The following APEH variants were observed in gnomAD, a reference collection of about 807,000 sequenced individuals.
APEH encodes acylaminoacyl-peptide hydrolase.
APEH carries 75 observed loss-of-function variants against 102.7 expected under a neutral mutation model. The ratio of observed to expected loss-of-function variants is 0.73; its 90% confidence interval spans 0.61 to 0.89. The LOEUF (loss-of-function observed/expected upper bound fraction) is 0.89. Ranked by LOEUF, APEH falls within the 40% of genes least tolerant of loss-of-function variation. The pLI is 0.00. For missense variants in APEH, 863 were observed against 941.2 expected, an observed-to-expected ratio of 0.92 and a Z score of 1.09; for synonymous variants, 344 against 362.7, an observed-to-expected ratio of 0.95 and a Z score of 0.59.
rs2053440781 is a variant in APEH at position 49,683,267 on chromosome 3, A to G, written c.2124A>G (p.Ala708=). The part of the protein sequence containing the change: ...RLLLYPKSTH[A]LSEVEVESDS... Reference sequence around the variant, plus strand: ...TGCTCTATCCCAAAAGCACCCACGCATTATCAGAGGTGGAGGTGGAGTCAG... The same window carrying G: ...TGCTCTATCCCAAAAGCACCCACGCGTTATCAGAGGTGGAGGTGGAGTCAG... Residue 708 remains alanine, a synonymous_variant, in exon 22 of 22, where the codon GCA becomes GCG. Transcript: ENST00000296456. 1.2e-6 allele frequency: 2 copies of G among 1,613,894 alleles called. No homozygotes were observed. The highest frequency in any genetic ancestry group is 1.7e-6 in the Non-Finnish European group (2 of 1,179,976).
chr3:49,673,199 C>T (rs2052855665), upstream of APEH, among the ~76,000 whole-genome samples: 1 of 145,226 alleles, frequency 6.9e-6, no homozygotes, highest in South Asian at 2.2e-4. Context: ...CTCTCAATCA[C>T]AAGCACGCCA....
In APEH at chr3:49,682,631, C is replaced by G; in HGVS notation, c.1778C>G (p.Ser593Cys). Residue 593 changes from serine to cysteine, a missense_variant, in exon 19 of 22, where the codon TCC becomes TGC. Coordinates refer to ENST00000296456, the MANE Select transcript of APEH (RefSeq NM_001640.4). ...LMGGSHGGFISCHLIGQYPET... is the reference protein window; with the variant it reads ...LMGGSHGGFICCHLIGQYPET... ...GGTGGTTCCCATGGTGGCTTCATTT[C>G]CTGCCACTTGATTGGTCAGTACCCA... 2 of 1,614,126 alleles carry G rather than the reference C, an allele frequency of 1.2e-6. No individual in the cohort carries two copies. The highest frequency in any genetic ancestry group is 1.7e-6 in the Non-Finnish European group (2 of 1,180,034).
Position 49,676,133 on chromosome 3 carries a change from G to A in APEH, c.520G>A (p.Glu174Lys). The change falls in exon 6 of 22, where the codon GAG (glutamate) becomes AAG (lysine). Residue 174 changes from glutamate (E) to lysine (K), a missense_variant. Coordinates refer to ENST00000296456, the MANE Select transcript of APEH (RefSeq NM_001640.4). The stretch of plus-strand genomic sequence containing the variant: ...GGCAGAGAAGAAGCGCCCCAAGGCC[G>A]AGTCCTTCTTTCAGACCAAAGCCTT... ...YVAEKKRPKA[E>K]SFFQTKALDV... is the part of the protein sequence containing the mutation. 2 of 1,614,214 alleles carry A rather than the reference G, an allele frequency of 1.2e-6. No homozygotes were observed. The highest frequency in any genetic ancestry group is 1.3e-5 in the African/African-American group (1 of 75,066).
At position 49,675,883 on chromosome 3, in the gene APEH, G is replaced by A. The variant is rs1299175384; in HGVS notation, c.367-8G>A. 2 of 1,614,136 alleles carry A rather than the reference G, an allele frequency of 1.2e-6. No individual in the cohort carries two copies. The highest frequency in any genetic ancestry group is 1.7e-5 in the Admixed American group (1 of 60,022). On this transcript the variant is annotated splice_region_variant and splice_polypyrimidine_tract_variant and intron_variant, in intron 4 of 21. Transcript: ENST00000296456. ...CGGGCAAACAGCCTAATGCCCAGAT[G>A]TCCTCAGGTCTGGGAGAAGAACCGG...
chr3:49,678,876 G>C lies in APEH; in HGVS notation c.1085G>C (p.Ser362Thr). 2 of 1,613,900 alleles carry C rather than the reference G, an allele frequency of 1.2e-6. No homozygotes were observed. Among genetic ancestry groups the C allele is most frequent in the Non-Finnish European group, 1.7e-6 (2 of 1,179,910 alleles). The change falls in exon 12 of 22, where the codon AGC becomes ACC. Residue 362 changes from serine to threonine, a missense_variant. Transcript: ENST00000296456. The stretch of plus-strand genomic sequence containing the variant: ...GAGAACTTCTCTGGGATCTACTGCA[G>C]CCTTCTGCCTTTGGGATGCTGGTCA... Reference protein sequence around the residue: ...LGENFSGIYCSLLPLGCWSAD... With the variant: ...LGENFSGIYCTLLPLGCWSAD...
rs548966759 is a variant in APEH, at chr3:49,683,467, A to C, written c.*125A>C. 1.7e-4 allele frequency: 131 copies of C among 771,964 alleles called. No individual in the cohort carries two copies. The highest frequency in any genetic ancestry group is 6.4e-4 in the Middle Eastern group (2 of 3,114). The allele number at this position is 771,964 out of a possible 1,614,324, so 47.8% of individuals were successfully genotyped here. A position where few individuals can be genotyped will look rare whatever the true frequency, so the allele number is the denominator to read the frequency against. ...ACTCCACGGATGCGTGGGCAGAGGA[A>C]TGTGGGCTATGTAGTCATAATAAAT... On this transcript the variant is annotated 3_prime_UTR_variant, in exon 22 of 22. Transcript: ENST00000296456.
At position 49,682,837 on chromosome 3, in the gene APEH, T is replaced by C; in HGVS notation, c.1884-6T>C. The C allele has an allele frequency of 6.2e-7, 1 of 1,614,040 alleles. No homozygotes were observed. The highest frequency in any genetic ancestry group is 8.5e-7 in the Non-Finnish European group (1 of 1,180,018). On this transcript the variant is annotated splice_polypyrimidine_tract_variant and splice_region_variant and intron_variant, in intron 19 of 21. Transcript: ENST00000296456. ...CCTGGGGCTGCAACAGCTCGGTGTC[T>C]TGCAGGTGCGTGGTGGAGGCTGGCT...
intron 17 of APEH, 145 bp from the exon 18 acceptor site, chr3:49,682,203 C>T (rs556268146): frequency 4.2e-6 from 4 of 956,284 alleles, no homozygotes; most frequent in Non-Finnish European, 6.3e-6. Context: ...GTGGCAGCCT[C>T]AAATCTCTGA....
Position 49,677,169 on chromosome 3 carries a change from G to T in APEH, c.999+145G>T, listed in dbSNP as rs2053098614. On this transcript the variant is annotated intron_variant, in intron 10 of 21. Coordinates refer to ENST00000296456, the MANE Select transcript of APEH (RefSeq NM_001640.4). ...TGCAGCAGCGGTGTGAGTTCTGCCT[G>T]TCCTCTCAAGGAGGGCCTAGAGGTT... 16 of 1,233,458 alleles carry T rather than the reference G, an allele frequency of 1.3e-5. No homozygotes were observed. The South Asian group carries it at 2.1e-4, about 16-fold the overall frequency. 76.4% of individuals were successfully genotyped at this position (1,233,458 alleles called of 1,614,324 possible).
In APEH at chr3:49,676,823, T is replaced by C. The variant is rs767086802; in HGVS notation, c.877+6T>C. On this transcript the variant is annotated splice_donor_region_variant and intron_variant, in intron 9 of 21. Coordinates refer to ENST00000296456, the MANE Select transcript of APEH (RefSeq NM_001640.4). ...CCTCATCGGGGGGAAGTGTGGTAAG[T>C]GGCTGATGCCCACCTGTGCTTTGCT... The C allele has an allele frequency of 1.9e-6, 3 of 1,614,138 alleles. No homozygotes were observed. In the East Asian group the frequency reaches 6.7e-5, roughly 36 times the overall value.
chr3:49,674,344 A>G (rs1224753985), upstream of APEH: 7 of 1,530,262 alleles, frequency 4.6e-6, no homozygotes, highest in South Asian at 7.2e-5. Flanking sequence ...CCGCCCCCGG[A>G]AGCCTCACTT....
intron 15 of APEH, 144 bp downstream of exon 15, chr3:49,681,383 G>C: frequency 9.6e-7 from 1 of 1,039,348 alleles, no homozygotes; most frequent in Non-Finnish European, 1.3e-6. Flanking sequence ...TTGTGGATGG[G>C]CATGGGAAGT....
At position 49,676,467 on chromosome 3, in the gene APEH, C is replaced by T; in HGVS notation, c.696C>T (p.Gly232=). The change falls in exon 7 of 22, where the codon GGC becomes GGT. Residue 232 remains glycine (G), a synonymous_variant. Transcript: ENST00000296456. The part of the protein sequence containing the change: ...PVLCVLDVES[G]NISVLEGVPE... ...TCTGCGTGCTGGATGTCGAGAGTGG[C>T]AACATCTCTGTGCTTGAGGGGGTCC... The T allele has an allele frequency of 6.2e-7, 1 of 1,614,254 alleles. No homozygotes were observed. Among genetic ancestry groups the T allele is most frequent in the South Asian group, 1.1e-5 (1 of 91,088 alleles).
intron 1 of APEH, 30 bp downstream of exon 1, chr3:49,674,443 C>A: frequency 6.4e-7 from 1 of 1,572,276 alleles, no homozygotes; most frequent in South Asian, 1.1e-5. Flanking sequence ...TCCCCGTGGT[C>A]CCTGCAGCCC....
chr3:49,681,317 C>T, intron 15 of APEH, 78 bp downstream of exon 15: 1 of 1,407,688 alleles, frequency 7.1e-7, no homozygotes, highest in Non-Finnish European at 9.3e-7. Context: ...TTTGCTACCT[C>T]CTCTCTCACA....
Position 49,680,416 on chromosome 3 carries a change from A to G in APEH, c.1211-125A>G, listed in dbSNP as rs561338922. On this transcript the variant is annotated intron_variant, in intron 13 of 21. Transcript: ENST00000296456. The stretch of plus-strand genomic sequence containing the variant: ...CCATGTGCAGTTGGGTGTTTGTGAA[A>G]GGCACTTCTCGGGGAGAAAAGGGCA... The G allele has an allele frequency of 5.0e-6, 4 of 804,930 alleles. No individual in the cohort carries two copies. The East Asian group carries it at 7.9e-5, about 16-fold the overall frequency. 49.9% of individuals were successfully genotyped at this position (804,930 alleles called of 1,614,324 possible).
intron 13 of APEH, chr3:49,680,293 G>A: frequency 2.1e-6 from 1 of 481,842 alleles, no homozygotes; most frequent in Non-Finnish European, 3.8e-6. Flanking sequence ...AGGCAGATGT[G>A]CCTGCATGGT....
Position 49,675,328 on chromosome 3 carries a change from G to A in APEH, c.272+19G>A. On this transcript the variant is annotated intron_variant, in intron 3 of 21. Coordinates refer to ENST00000296456, the MANE Select transcript of APEH (RefSeq NM_001640.4). ...GGGGGGAGTAAGTTTGAGGGAGGAA[G>A]CTTGTGGGCAAGGCCACAGCCGTCC... 1 of 1,612,976 alleles carries A rather than the reference G, an allele frequency of 6.2e-7. No individual in the cohort carries two copies. The highest frequency in any genetic ancestry group is 8.5e-7 in the Non-Finnish European group (1 of 1,179,560).
rs758011278 is a variant in APEH at position 49,676,694 on chromosome 3, A to G, written c.830A>G (p.Asn277Ser). The G allele has an allele frequency of 1.5e-5, 24 of 1,614,110 alleles. No individual in the cohort carries two copies. Among genetic ancestry groups the G allele is most frequent in the Admixed American group, 8.3e-5 (5 of 60,006 alleles). The change falls in exon 8 of 22, where the codon AAT becomes AGT. Residue 277 changes from asparagine to serine, a missense_variant. By Grantham distance (46) the Asn-to-Ser change is conservative (BLOSUM62 1). Transcript: ENST00000296456. Reference protein sequence around the residue: ...PFRLGIRFCTNRRSALYYVDL... With the variant: ...PFRLGIRFCTSRRSALYYVDL... ...CGGTTGGGCATCCGCTTTTGCACCA[A>G]TCGCAGGTGAGGGAGTGGGGCAAGG... is the stretch of plus-strand genomic sequence containing the variant.
Sources: allele counts gnomAD v4.1 joint callset (sites outside exome capture counted in the v4.1 genomes callset), GRCh38; gene constraint gnomAD v4.1.1; transcripts MANE v1.5; gene names NCBI Gene and HGNC (gene_info 2026-07-23, HGNC 2026-07-21).